The following TENM2 variants were observed in gnomAD, a reference collection of about 807,000 sequenced individuals.
TENM2 encodes teneurin transmembrane protein 2, also known as teneurin-2.
A neutral mutation model predicts 245.2 loss-of-function variants in TENM2; 52 were observed. The ratio of observed to expected loss-of-function variants is 0.21; its 90% CI spans 0.17 to 0.27. The LOEUF is 0.27. Ranked by LOEUF, TENM2 falls within the 10% of genes least tolerant of loss-of-function variation. TENM2 has a pLI of 1.00. For synonymous variants in TENM2, 1,363 were observed against 1,438.9 expected (o/e 0.95, Z 1.19); for missense variants, 3,046 against 3,666.8 (o/e 0.83, Z 4.37).
At chr5:167,848,208 A>G (rs1472392739) in intron 2 of TENM2, among the ~76,000 whole-genome samples, 1 of 152,156 alleles carries the variant, frequency 6.6e-6, no homozygotes, top group East Asian at 1.9e-4. Flanking sequence ...TGAGAACTGA[A>G]TAGGTCATGA....
In TENM2 at chr5:167,998,475, A is replaced by G. The variant is rs542079319; in HGVS notation, c.1186+5293A>G. 1.2e-3 allele frequency among the ~76,000 whole-genome samples: 180 copies of G among 152,300 alleles called. 1 individual carries two copies. Among genetic ancestry groups the G allele is most frequent in the Non-Finnish European group, 4.7e-4 (32 of 68,020 alleles). The stretch of plus-strand genomic sequence containing the variant: ...TGTTTAACTCCAGATAATCTTAGAA[A>G]TTCTAAGGCGAGAGTCAACACAAGA... On this transcript the variant is annotated intron_variant, in intron 5 of 28. Transcript: ENST00000518659.
At chr5:167,014,283 G>A in the TENM2 span, among the ~76,000 whole-genome samples, 3 of 151,910 alleles carry the variant, frequency 2.0e-5, no homozygotes, top group African/African-American at 7.3e-5. Flanking sequence ...AGATATTTTA[G>A]ACCTAACAAC....
chr5:167,394,476 A>C (rs922388092), intron 2 of TENM2, among the ~76,000 whole-genome samples: 1 of 152,116 alleles, frequency 6.6e-6, no homozygotes, highest in East Asian at 1.9e-4. Context: ...CTATTGGTCT[A>C]TGTGTCTGTT....
At chr5:167,424,083 C>T (rs143337065) in intron 2 of TENM2, among the ~76,000 whole-genome samples, 22 of 152,276 alleles carry the variant, frequency 1.4e-4, no homozygotes, top group African/African-American at 5.3e-4. Context: ...AAATACCTGT[C>T]TTTGGCCAGA....
the TENM2 span, among the ~76,000 whole-genome samples, chr5:167,043,512 A>C: frequency 2.6e-5 from 4 of 152,150 alleles, no homozygotes; most frequent in Non-Finnish European, 5.9e-5. Context: ...TTGGGTGTGC[A>C]GATACCCAGA....
rs549585535 is a variant in TENM2, at chr5:167,350,943, A to G, written c.227-24255A>G. Among the ~76,000 whole-genome samples the G allele has an allele frequency of 2.2e-4, 17 of 78,418 alleles. 4 individuals carry two copies. The highest frequency in any genetic ancestry group is 2.0e-3 in the East Asian group (5 of 2,508). The allele number at this position is 78,418 out of a possible 152,430, so 51.4% of individuals were successfully genotyped here. On this transcript the variant is annotated intron_variant, in intron 1 of 28. Transcript: ENST00000518659. Reference sequence around the variant, plus strand: ...ATATACATATGGATATATATATGGGATATATACATATGGATATATATATGG... The same window carrying G: ...ATATACATATGGATATATATATGGGGTATATACATATGGATATATATATGG...
chr5:168,081,710 G>T (rs948269135), intron 7 of TENM2, among the ~76,000 whole-genome samples: 4 of 152,174 alleles, frequency 2.6e-5, no homozygotes, highest in Non-Finnish European at 5.9e-5. Flanking sequence ...GGCTGGATAT[G>T]AAATTCTGGG....
intron 20 of TENM2, among the ~76,000 whole-genome samples, chr5:168,213,013 G>A (rs1353655006): frequency 2.0e-5 from 3 of 152,206 alleles, no homozygotes. Flanking sequence ...TCATAGGTAG[G>A]CACAGATGTG....
At chr5:167,551,814 G>A (rs1264536788) in intron 2 of TENM2, among the ~76,000 whole-genome samples, 3 of 152,242 alleles carry the variant, frequency 2.0e-5, no homozygotes, top group Non-Finnish European at 2.9e-5. Context: ...AATTTGAAAG[G>A]TTCCCAGATT....
rs1311445335 is a variant in TENM2, at chr5:168,216,642, T to TA, written c.4079-125dup. The TA allele has an allele frequency of 3.6e-6, 3 of 824,306 alleles. No homozygotes were observed. The African/African-American group carries it at 5.0e-5, about 14-fold the overall frequency. The allele number at this position is 824,306 out of a possible 1,614,324, so 51.1% of individuals were successfully genotyped here. On this transcript the variant is annotated intron_variant, in intron 21 of 28. Coordinates refer to ENST00000518659, the Ensembl canonical transcript of TENM2. ...AGGCTGAGAACCACTGCTCTGAGGG[T>TA]ACTAATCAATTCCAGTAAGGTCTCT...
chr5:167,860,120 C>T (rs1182491856), intron 2 of TENM2, among the ~76,000 whole-genome samples: 4 of 70,028 alleles, frequency 5.7e-5, no homozygotes, highest in African/African-American at 2.2e-4. Flanking sequence ...GGCGCCTCTG[C>T]CTGGCCGCCC....
the TENM2 span, among the ~76,000 whole-genome samples, chr5:167,275,265 G>T: frequency 3.3e-5 from 5 of 151,874 alleles, no homozygotes; most frequent in Non-Finnish European, 5.9e-5. Context: ...TGATTCCTGT[G>T]GCTCTATAAG....
intron 2 of TENM2, among the ~76,000 whole-genome samples, chr5:167,598,336 C>T (rs574408330): frequency 6.6e-6 from 1 of 152,164 alleles, no homozygotes; most frequent in Non-Finnish European, 1.5e-5. Flanking sequence ...GTGCAAGTCT[C>T]CTGAGATGTG....
At chr5:167,274,681 T>A in the TENM2 span, among the ~76,000 whole-genome samples, 3 of 150,760 alleles carry the variant, frequency 2.0e-5, no homozygotes, top group Admixed American at 2.0e-4. Context: ...TTTTGTCATT[T>A]AAAAAAAAAG....
chr5:167,989,298 G>GAGAGATAGAT (rs772430462), intron 4 of TENM2, among the ~76,000 whole-genome samples: 1 of 147,656 alleles, frequency 6.8e-6, no homozygotes, highest in Non-Finnish European at 1.5e-5. Flanking sequence ...GAGAGAGAGA[G>GAGAGATAGAT]AGATAGATAG....
At chr5:167,533,320 G>A (rs1311922325) in intron 2 of TENM2, among the ~76,000 whole-genome samples, 1 of 152,182 alleles carries the variant, frequency 6.6e-6, no homozygotes, top group East Asian at 1.9e-4. Context: ...GAGGTACCAT[G>A]TTCATAGTGG....
rs908449957 is a variant in TENM2 at position 168,105,148 on chromosome 5, T to C, written c.1813+7021T>C. 2.0e-5 allele frequency among the ~76,000 whole-genome samples: 3 copies of C among 152,066 alleles called. No homozygotes were observed. The East Asian group carries it at 5.8e-4, about 29-fold the overall frequency. On this transcript the variant is annotated intron_variant, in intron 9 of 28. Coordinates refer to ENST00000518659, the Ensembl canonical transcript of TENM2. ...ATGGGGGAGTAAGTTCCCCTGGTGG[T>C]GTCTTTAAGGATCACTCCAACTGTG...
At chr5:167,860,198 GC>G (rs1561865207) in intron 2 of TENM2, among the ~76,000 whole-genome samples, 47 of 94,444 alleles carry the variant, frequency 5.0e-4, no homozygotes, top group African/African-American at 9.1e-4. Flanking sequence ...GGGGGGGTCA[GC>G]CCCCCGCCCG....
At chr5:167,568,912 T>A (rs1178049336) in intron 2 of TENM2, among the ~76,000 whole-genome samples, 2 of 151,932 alleles carry the variant, frequency 1.3e-5, no homozygotes, top group Non-Finnish European at 2.9e-5. Context: ...GCTGTGGGTA[T>A]TTGTGTGGTT....
Sources: allele counts gnomAD v4.1 joint callset (sites outside exome capture counted in the v4.1 genomes callset), GRCh38; gene constraint gnomAD v4.1.1; transcripts MANE v1.5; gene names NCBI Gene and HGNC (gene_info 2026-07-23, HGNC 2026-07-21).